ZNF766: variants seen among roughly 807,000 people sequenced by gnomAD.
ZNF766 encodes the protein zinc finger protein 766.
A neutral mutation model predicts 13.2 loss-of-function variants in ZNF766; 13 were observed. That is an observed-to-expected ratio of 0.98 (90% CI 0.64 to 1.56). The LOEUF (loss-of-function observed/expected upper bound fraction) is 1.56. Among genes scored for constraint, ZNF766 ranks in the 40% most tolerant of loss-of-function variants. The probability of loss-of-function intolerance (pLI) is 0.00; values close to 1 mark genes in which losing one functional copy is unlikely to be tolerated. For missense variants in ZNF766, 521 were observed against 552.2 expected (o/e 0.94, Z 0.57); for synonymous variants, 178 against 187.6 (o/e 0.95, Z 0.42).
rs1312296086 is a variant in ZNF766, at chr19:52,295,979, A to G, written c.*4781A>G. 1 of 152,048 alleles carries G rather than the reference A, an allele frequency of 6.6e-6. No homozygotes were observed. Among genetic ancestry groups the G allele is most frequent in the East Asian group, 1.9e-4 (1 of 5,196 alleles). The allele number at this position is 152,048 out of a possible 1,614,324, so 9.4% of individuals were successfully genotyped here. On this transcript the variant is annotated 3_prime_UTR_variant, in exon 4 of 4. Coordinates refer to ENST00000439461, the MANE Select transcript of ZNF766 (RefSeq NM_001010851.3). ...GTAAATATATTAACCCTGTGTATCA[A>G]TTTGGGGTAATTTCACATTTTTTTC...
rs901515287 is a variant in ZNF766 at position 52,291,019 on chromosome 19, C to T, written c.1228C>T (p.Pro410Ser). 3 of 1,614,042 alleles carry T rather than the reference C, an allele frequency of 1.9e-6. No homozygotes were observed. The highest frequency in any genetic ancestry group is 1.1e-5 in the South Asian group (1 of 91,086). Residue 410 changes from proline (P) to serine (S), a missense_variant, in exon 4 of 4, where the codon CCT (proline) becomes TCT (serine). Physicochemically the swap from Pro to Ser is moderately conservative, Grantham distance 74. Transcript: ENST00000439461. ...TCAGAAAATTCACACTGGAGAGAAA[C>T]CTTACAAATGTAATGAGTGTGGCAA... is the stretch of plus-strand genomic sequence containing the variant. ...RHQKIHTGEK[P>S]YKCNECGKVF... is the part of the protein sequence containing the mutation.
At chr19:52,283,217 C>T (rs1255808914) in intron 2 of ZNF766, 68 bp from the exon 3 acceptor site, 5 of 1,541,602 alleles carry the variant, frequency 3.2e-6, no homozygotes, top group Non-Finnish European at 4.4e-6. Flanking sequence ...ATCATCTCTG[C>T]TGCCTAAACA....
Position 52,291,094 on chromosome 19 carries a change from G to A in ZNF766, c.1303G>A (p.Gly435Arg). ...TGCAAATCATCAGAGAATCCACACT[G>A]GAGAGAAACCTTACAAATGCCATGT... ...HLANHQRIHT[G>R]EKPYKCHVCG... The change falls in exon 4 of 4, where the codon GGA becomes AGA. Residue 435 changes from glycine to arginine, a missense_variant. Transcript: ENST00000439461. 1 of 1,614,166 alleles carries A rather than the reference G, an allele frequency of 6.2e-7. No individual in the cohort carries two copies. Among genetic ancestry groups the A allele is most frequent in the East Asian group, 2.2e-5 (1 of 44,882 alleles).
intron 1 of ZNF766, among the ~76,000 whole-genome samples, chr19:52,279,156 T>G (rs1246592652): frequency 6.6e-6 from 1 of 152,214 alleles, no homozygotes; most frequent in African/African-American, 2.4e-5. Context: ...CTTGTTTTTG[T>G]CAGCTTTGTC....
At chr19:52,285,582 G>A (rs935697064) in intron 3 of ZNF766, among the ~76,000 whole-genome samples, 3 of 152,250 alleles carry the variant, frequency 2.0e-5, no homozygotes, top group Non-Finnish European at 2.9e-5. Context: ...GGGAAGGACT[G>A]TGGAGCTTCC....
chr19:52,270,020 G>A (rs1980906772), intron 1 of ZNF766, among the ~76,000 whole-genome samples: 1 of 152,172 alleles, frequency 6.6e-6, no homozygotes, highest in South Asian at 2.1e-4. Context: ...TGCCTGGTCT[G>A]GGGATTCTGC....
intron 2 of ZNF766, among the ~76,000 whole-genome samples, chr19:52,282,807 CCT>C (rs1981597179): frequency 6.6e-6 from 1 of 152,086 alleles, no homozygotes; most frequent in African/African-American, 2.4e-5. Context: ...TATCCAGTTC[CCT>C]GTTTTCTACC....
At chr19:52,277,972 C>CT (rs375658066) in intron 1 of ZNF766, among the ~76,000 whole-genome samples, 25,031 of 135,624 alleles carry the variant, frequency 0.18, 2,489 homozygotes, top group East Asian at 0.27. Flanking sequence ...TCTTTTCTGC[C>CT]TTTTTTTTTT....
chr19:52,278,883 A>T (rs775754610), intron 1 of ZNF766, among the ~76,000 whole-genome samples: 2 of 152,148 alleles, frequency 1.3e-5, no homozygotes, highest in Non-Finnish European at 2.9e-5. Context: ...AGTTAATTGG[A>T]TATCACTTGT....
chr19:52,282,448 C>T (rs1475158165), intron 2 of ZNF766: 3 of 370,840 alleles, frequency 8.1e-6, no homozygotes, highest in African/African-American at 2.2e-5. Flanking sequence ...CCAACCTGAC[C>T]AAAATGATAA....
Position 52,283,382 on chromosome 19 carries a change from T to C in ZNF766, c.243T>C (p.Asp81=). Reference sequence around the variant, plus strand: ...AAATGAAAGTAGCAAAAAATCCAGATAGGTGGGAAGGTATCAAAGATATCA... The same window carrying C: ...AAATGAAAGTAGCAAAAAATCCAGACAGGTGGGAAGGTATCAAAGATATCA... ...ENEMKVAKNP[D]RWEGIKDINT... The change falls in exon 3 of 4, where the codon GAT becomes GAC. Residue 81 remains aspartate (D), a synonymous_variant. Transcript: ENST00000439461. 6.2e-7 allele frequency: 1 copy of C among 1,608,808 alleles called. No homozygotes were observed. The highest frequency in any genetic ancestry group is 8.5e-7 in the Non-Finnish European group (1 of 1,177,198).
intron 1 of ZNF766, among the ~76,000 whole-genome samples, chr19:52,270,502 G>T (rs1362578470): frequency 6.6e-6 from 1 of 152,118 alleles, no homozygotes; most frequent in Non-Finnish European, 1.5e-5. Flanking sequence ...CTCAGACAAA[G>T]TTGGGGAGAG....
At position 52,294,509 on chromosome 19, in the gene ZNF766, G is replaced by C. The variant is rs149687053; in HGVS notation, c.*3311G>C. The C allele has an allele frequency of 3.9e-5, 6 of 152,296 alleles. No individual in the cohort carries two copies. The highest frequency in any genetic ancestry group is 9.6e-5 in the African/African-American group (4 of 41,548). 9.4% of individuals were successfully genotyped at this position (152,296 alleles called of 1,614,324 possible). On this transcript the variant is annotated 3_prime_UTR_variant, in exon 4 of 4. Transcript: ENST00000439461. ...TCCCCGGTTGGTCCAAATATGACTA[G>C]GGAATCGGCATAGGTGACTGGCTTG...
At position 52,293,605 on chromosome 19, in the gene ZNF766, C is replaced by G. The variant is rs200422542; in HGVS notation, c.*2407C>G. 1 of 131,450 alleles carries G rather than the reference C, an allele frequency of 7.6e-6. No homozygotes were observed. The highest frequency in any genetic ancestry group is 1.7e-5 in the Non-Finnish European group (1 of 58,592). The allele number at this position is 131,450 out of a possible 1,614,324, so 8.1% of individuals were successfully genotyped here. A position where few individuals can be genotyped will look rare whatever the true frequency, so the allele number is the denominator to read the frequency against. ...CTTAGTACTTAAGTTATTCTCTCTACTCTTTGTTTTTGTTTTTTGTTTGTT... is the reference window on the plus strand; with the variant it reads ...CTTAGTACTTAAGTTATTCTCTCTAGTCTTTGTTTTTGTTTTTTGTTTGTT... On this transcript the variant is annotated 3_prime_UTR_variant, in exon 4 of 4. Coordinates refer to ENST00000439461, the MANE Select transcript of ZNF766 (RefSeq NM_001010851.3).
chr19:52,282,920 TG>T (rs1568619700), intron 2 of ZNF766, among the ~76,000 whole-genome samples: 1 of 152,232 alleles, frequency 6.6e-6, no homozygotes, highest in Non-Finnish European at 1.5e-5. Context: ...GGTGAATTTG[TG>T]AAATGTTTTT....
At chr19:52,275,880 C>T (rs1981172241) in intron 1 of ZNF766, among the ~76,000 whole-genome samples, 1 of 152,122 alleles carries the variant, frequency 6.6e-6, no homozygotes, top group African/African-American at 2.4e-5. Context: ...GGGGTTTCCC[C>T]ATGTTAGCCA....
intron 3 of ZNF766, among the ~76,000 whole-genome samples, chr19:52,287,007 T>C (rs1981862498): frequency 6.6e-6 from 1 of 152,018 alleles, no homozygotes; most frequent in Non-Finnish European, 1.5e-5. Context: ...GGATAACTTT[T>C]ATATTTTAAT....
intron 1 of ZNF766, among the ~76,000 whole-genome samples, chr19:52,270,411 C>T (rs1980925793): frequency 6.6e-6 from 1 of 152,048 alleles, no homozygotes; most frequent in African/African-American, 2.4e-5. Flanking sequence ...AAAAGCAACT[C>T]GAGAAATGTA....
In ZNF766 at chr19:52,289,957, T is replaced by C. The variant is rs568663196; in HGVS notation, c.275-109T>C. On this transcript the variant is annotated intron_variant, in intron 3 of 3. Transcript: ENST00000439461. Reference sequence around the variant, plus strand: ...CGGAGCTTGCAGTGATCCGAGATCGTGCCACTGCACTCCAGCCTGGGTGGC... The same window carrying C: ...CGGAGCTTGCAGTGATCCGAGATCGCGCCACTGCACTCCAGCCTGGGTGGC... 666 of 1,114,382 alleles carry C rather than the reference T, an allele frequency of 6.0e-4. 1 individual carries two copies. The highest frequency in any genetic ancestry group is 1.4e-3 in the South Asian group (88 of 61,324). The allele number at this position is 1,114,382 out of a possible 1,614,324, so 69.0% of individuals were successfully genotyped here. A position where few individuals can be genotyped will look rare whatever the true frequency, so the allele number is the denominator to read the frequency against.
Sources: allele counts gnomAD v4.1 joint callset (sites outside exome capture counted in the v4.1 genomes callset), GRCh38; gene constraint gnomAD v4.1.1; transcripts MANE v1.5; gene names NCBI Gene and HGNC (gene_info 2026-07-23, HGNC 2026-07-21).